Variants in MAGI2 observed in about 807,000 individuals in gnomAD.
MAGI2 encodes the protein membrane-associated guanylate kinase, WW and PDZ domain-containing protein 2.
A neutral mutation model predicts 133.3 loss-of-function variants in MAGI2; 35 were observed. The observed-to-expected ratio is 0.26, with a 90% CI of 0.20 to 0.35. MAGI2 has a LOEUF of 0.35. Ranked by LOEUF, MAGI2 falls within the 10% of genes least tolerant of loss-of-function variation. The probability of loss-of-function intolerance (pLI) is 1.00; values close to 1 mark genes in which losing one functional copy is unlikely to be tolerated. For missense variants in MAGI2, 1,636 were observed against 1,863.4 expected (o/e 0.88, Z 2.25); for synonymous variants, 729 against 710.6 (o/e 1.03, Z -0.41).
intron 6 of MAGI2, among the ~76,000 whole-genome samples, chr7:78,401,412 C>T (rs529503966): frequency 1.3e-5 from 2 of 152,178 alleles, no homozygotes; most frequent in South Asian, 2.1e-4. Context: ...TTTAAAATTA[C>T]GTTTACTAGA....
intron 1 of MAGI2, among the ~76,000 whole-genome samples, chr7:79,091,608 C>G (rs1448895262): frequency 6.6e-6 from 1 of 151,682 alleles, no homozygotes; most frequent in Non-Finnish European, 1.5e-5. Flanking sequence ...ACACATCTTT[C>G]TTTAAAAAAA....
intron 6 of MAGI2, among the ~76,000 whole-genome samples, chr7:78,433,268 G>T (rs1304705817): frequency 6.6e-6 from 1 of 151,944 alleles, no homozygotes; most frequent in Non-Finnish European, 1.5e-5. Flanking sequence ...ATTTAGCATT[G>T]GACAGCTTTG....
At chr7:79,408,716 G>A (rs1845965433) in intron 1 of MAGI2, among the ~76,000 whole-genome samples, 1 of 151,952 alleles carries the variant, frequency 6.6e-6, no homozygotes, top group Admixed American at 6.6e-5. Context: ...ATTTTGGATG[G>A]CGTGATTTAG....
chr7:78,229,842 C>A (rs6954353), intron 10 of MAGI2, among the ~76,000 whole-genome samples: 46,642 of 151,956 alleles, frequency 0.31, 8,403 homozygotes, highest in Non-Finnish European at 0.39. Flanking sequence ...AGTGGTCAAG[C>A]ATGTCAGATG....
At chr7:79,387,494 T>C (rs1844276111) in intron 1 of MAGI2, among the ~76,000 whole-genome samples, 1 of 152,110 alleles carries the variant, frequency 6.6e-6, no homozygotes. Flanking sequence ...ATGTGCAAAC[T>C]ATTGATTTTA....
chr7:79,030,921 T>C (rs1350228389), intron 1 of MAGI2, among the ~76,000 whole-genome samples: 1 of 152,216 alleles, frequency 6.6e-6, no homozygotes, highest in Non-Finnish European at 1.5e-5. Flanking sequence ...AAGCTTGGAA[T>C]GATATGGAAC....
chr7:78,369,284 T>C (rs1793688684), intron 6 of MAGI2, 71 bp from the exon 7 acceptor site: 1 of 1,109,078 alleles, frequency 9.0e-7, no homozygotes, highest in South Asian at 1.4e-5. Context: ...TATAATTTAA[T>C]TGTTCATGGA....
chr7:78,782,048 T>C (rs1826437835), intron 2 of MAGI2, among the ~76,000 whole-genome samples: 1 of 152,166 alleles, frequency 6.6e-6, no homozygotes, highest in African/African-American at 2.4e-5. Context: ...TTTTCAAAAT[T>C]CAAAACAATT....
intron 9 of MAGI2, among the ~76,000 whole-genome samples, chr7:78,322,153 A>G (rs1017910334): frequency 2.6e-5 from 4 of 152,226 alleles, no homozygotes. Flanking sequence ...ACACTTTTAC[A>G]CTGTTGGTAG....
intron 9 of MAGI2, among the ~76,000 whole-genome samples, chr7:78,308,746 A>T (rs1798448288): frequency 6.6e-6 from 1 of 152,156 alleles, no homozygotes; most frequent in Non-Finnish European, 1.5e-5. Context: ...GTCAATATTC[A>T]GCTGAGTTAG....
At chr7:78,846,829 T>C (rs1260440668) in intron 2 of MAGI2, among the ~76,000 whole-genome samples, 1 of 151,928 alleles carries the variant, frequency 6.6e-6, no homozygotes, top group African/African-American at 2.4e-5. Flanking sequence ...TGAAACTCTA[T>C]GGGATGAAGT....
chr7:78,522,486 C>G (rs908285852), intron 3 of MAGI2, among the ~76,000 whole-genome samples: 3 of 152,164 alleles, frequency 2.0e-5, no homozygotes, highest in Admixed American at 6.5e-5. Context: ...TCAAGCAATT[C>G]TTGTGCCTCA....
intron 4 of MAGI2, among the ~76,000 whole-genome samples, chr7:78,516,483 G>T (rs931371587): frequency 6.6e-6 from 1 of 152,120 alleles, no homozygotes; most frequent in Non-Finnish European, 1.5e-5. Context: ...CTGCCAAGGA[G>T]CTGGGACTAC....
intron 2 of MAGI2, among the ~76,000 whole-genome samples, chr7:78,761,311 C>A (rs1824483180): frequency 6.6e-6 from 1 of 152,162 alleles, no homozygotes; most frequent in African/African-American, 2.4e-5. Context: ...AAAGAAATAA[C>A]CTTCCATAGT....
intron 6 of MAGI2, chr7:78,486,091 T>C (rs1369092493): frequency 6.6e-6 from 1 of 152,056 alleles, no homozygotes; most frequent in Admixed American, 6.6e-5. Flanking sequence ...AGACTTGGCC[T>C]GGGAAGAAGG....
At chr7:79,319,842 T>C (rs1213296839) in intron 1 of MAGI2, among the ~76,000 whole-genome samples, 3 of 152,160 alleles carry the variant, frequency 2.0e-5, no homozygotes, top group Admixed American at 1.3e-4. Context: ...TTCAAGGAGA[T>C]AGACATGATT....
intron 2 of MAGI2, among the ~76,000 whole-genome samples, chr7:78,985,891 T>C (rs189580511): frequency 1.3e-5 from 2 of 152,248 alleles, no homozygotes; most frequent in East Asian, 1.9e-4. Flanking sequence ...TTAATCATTA[T>C]AGATAGGAAG....
At chr7:78,291,035 G>A (rs997245939) in intron 9 of MAGI2, among the ~76,000 whole-genome samples, 4 of 152,262 alleles carry the variant, frequency 2.6e-5, no homozygotes, top group African/African-American at 9.6e-5. Flanking sequence ...AGCTAGAGAA[G>A]CAAGAGCAAA....
intron 1 of MAGI2, among the ~76,000 whole-genome samples, chr7:79,056,204 G>C (rs1008115196): frequency 3.3e-5 from 5 of 151,578 alleles, no homozygotes; most frequent in Non-Finnish European, 7.4e-5. Flanking sequence ...GACCAGTCTG[G>C]TGAGATTCCA....
Sources: gnomAD v4.1 joint callset for allele counts (sites outside exome capture counted in the v4.1 genomes callset) on GRCh38, gnomAD v4.1.1 for gene constraint, MANE v1.5 for transcripts, NCBI Gene and HGNC (gene_info 2026-07-23, HGNC 2026-07-21) for gene names.